The following ADAM22 variants were observed in gnomAD, a reference collection of about 807,000 sequenced individuals.
ADAM22 encodes disintegrin and metalloproteinase domain-containing protein 22.
A neutral mutation model predicts 144.6 loss-of-function variants in ADAM22; 65 were observed. The ratio of observed to expected loss-of-function variants is 0.45; its 90% confidence interval spans 0.37 to 0.55. The LOEUF is 0.55. Ranked by LOEUF, ADAM22 falls within the 20% of genes least tolerant of loss-of-function variation. ADAM22 has a pLI of 0.00. For missense variants in ADAM22, 974 were observed against 1,184.9 expected, an observed-to-expected ratio of 0.82 and a Z score of 2.61; for synonymous variants, 391 against 412.6, an observed-to-expected ratio of 0.95 and a Z score of 0.63.
chr7:87,949,229 T>C (rs1039191781), intron 2 of ADAM22, among the ~76,000 whole-genome samples: 1 of 152,058 alleles, frequency 6.6e-6, no homozygotes, highest in Non-Finnish European at 1.5e-5. Context: ...GAAGTAGCTG[T>C]CCCTCTTGCT....
intron 4 of ADAM22, among the ~76,000 whole-genome samples, chr7:88,107,124 C>T (rs914866675): frequency 9.3e-5 from 14 of 150,884 alleles, no homozygotes; most frequent in South Asian, 4.2e-4. Context: ...TAGTGACTCT[C>T]AAATGATTTA....
At chr7:87,974,913 A>G (rs1052600925) in intron 2 of ADAM22, among the ~76,000 whole-genome samples, 3 of 152,014 alleles carry the variant, frequency 2.0e-5, no homozygotes, top group Non-Finnish European at 4.4e-5. Flanking sequence ...TACTTCCACC[A>G]TCATACCTTC....
intron 5 of ADAM22, among the ~76,000 whole-genome samples, chr7:88,113,675 T>A (rs1042128132): frequency 3.4e-5 from 4 of 117,168 alleles, no homozygotes; most frequent in Admixed American, 1.0e-4. Flanking sequence ...TATATATATA[T>A]AATATATATA....
intron 3 of ADAM22, among the ~76,000 whole-genome samples, chr7:88,042,611 T>A (rs976611651): frequency 6.6e-6 from 1 of 151,978 alleles, no homozygotes; most frequent in African/African-American, 2.4e-5. Flanking sequence ...GCACATTCAG[T>A]CTTCATTTCT....
At chr7:88,187,413 C>A (rs1002248500) in intron 30 of ADAM22, among the ~76,000 whole-genome samples, 2 of 152,160 alleles carry the variant, frequency 1.3e-5, no homozygotes, top group Non-Finnish European at 2.9e-5. Flanking sequence ...AAAATATATT[C>A]TTGACTCACA....
chr7:87,991,844 T>C (rs1290736179), intron 3 of ADAM22, among the ~76,000 whole-genome samples: 1 of 152,240 alleles, frequency 6.6e-6, no homozygotes, highest in Non-Finnish European at 1.5e-5. Context: ...TTTGAGGTGA[T>C]AATCAGAATT....
chr7:88,111,431 A>T (rs1272255314), intron 5 of ADAM22, among the ~76,000 whole-genome samples: 1 of 152,084 alleles, frequency 6.6e-6, no homozygotes, highest in South Asian at 2.1e-4. Flanking sequence ...GGAAAATCAG[A>T]TTCGTATATC....
At chr7:88,142,580 T>A (rs1190169677) in intron 14 of ADAM22, among the ~76,000 whole-genome samples, 1 of 152,170 alleles carries the variant, frequency 6.6e-6, no homozygotes, top group African/African-American at 2.4e-5. Flanking sequence ...GGCTCACACC[T>A]GTAATCCCAG....
Position 88,151,305 on chromosome 7 carries a change from T to C in ADAM22, c.1666T>C (p.Tyr556His), listed in dbSNP as rs750276685. The C allele has an allele frequency of 1.9e-6, 3 of 1,614,132 alleles. No individual in the cohort carries two copies. The South Asian group carries it at 3.3e-5, about 18-fold the overall frequency. ...RCKTRDRQCK[Y>H]IWGQKVTASD... ...CAAAACCAGAGATAGACAATGCAAA[T>C]ACATTTGGGGGCAAAGTAAGTAAAT... is the stretch of plus-strand genomic sequence containing the variant. The change falls in exon 20 of 32, where the codon TAC becomes CAC. Residue 556 changes from tyrosine to histidine, a missense_variant. Tyr to His is a moderately conservative substitution (Grantham distance 83, BLOSUM62 2). Transcript: ENST00000413139.
At chr7:88,172,728 T>C (rs1024822382) in intron 26 of ADAM22, among the ~76,000 whole-genome samples, 19 of 151,880 alleles carry the variant, frequency 1.3e-4, no homozygotes, top group African/African-American at 4.6e-4. Context: ...TTCCCTAGAG[T>C]GACTAACTCA....
chr7:87,985,596 C>G (rs988208274), intron 3 of ADAM22, among the ~76,000 whole-genome samples: 1 of 152,076 alleles, frequency 6.6e-6, no homozygotes, highest in Non-Finnish European at 1.5e-5. Flanking sequence ...TTGTATGTGG[C>G]TTCTTGACAT....
At chr7:88,129,405 AG>A (rs1014322507) in intron 9 of ADAM22, among the ~76,000 whole-genome samples, 21 of 152,010 alleles carry the variant, frequency 1.4e-4, no homozygotes, top group African/African-American at 4.8e-4. Flanking sequence ...TACTTATTTG[AG>A]GAAAAAATGA....
intron 5 of ADAM22, among the ~76,000 whole-genome samples, chr7:88,112,078 A>C (rs1826192833): frequency 6.6e-6 from 1 of 152,200 alleles, no homozygotes; most frequent in South Asian, 2.1e-4. Flanking sequence ...GGATATGGCT[A>C]GTTCTCAGCA....
At chr7:88,021,149 A>G (rs770946798) in intron 3 of ADAM22, among the ~76,000 whole-genome samples, 1 of 152,208 alleles carries the variant, frequency 6.6e-6, no homozygotes, top group Non-Finnish European at 1.5e-5. Context: ...GCTATGAACC[A>G]TAAAGGTCAG....
At chr7:88,104,487 T>C (rs561773758) in intron 4 of ADAM22, among the ~76,000 whole-genome samples, 1 of 151,946 alleles carries the variant, frequency 6.6e-6, no homozygotes, top group Admixed American at 6.6e-5. Context: ...TTGCACCACA[T>C]GTGTATTATT....
chr7:88,193,258 C>T lies in ADAM22; in HGVS notation c.2874+19C>T. The T allele has an allele frequency of 6.2e-7, 1 of 1,611,740 alleles. No homozygotes were observed. Among genetic ancestry groups the T allele is most frequent in the East Asian group, 2.2e-5 (1 of 44,786 alleles). ...TGCCAGGGTATGTGGAAACCTCTTC[C>T]ATGTGCGTACATGCTCAGTCATTAT... is the stretch of plus-strand genomic sequence containing the variant. On this transcript the variant is annotated intron_variant, in intron 31 of 31. Coordinates refer to ENST00000413139, the MANE Select transcript of ADAM22 (RefSeq NM_001324418.2).
At chr7:88,155,037 G>A (rs1386536168) in intron 21 of ADAM22, among the ~76,000 whole-genome samples, 16 of 152,054 alleles carry the variant, frequency 1.1e-4, no homozygotes, top group Admixed American at 1.0e-3. Flanking sequence ...TATTTTATAA[G>A]TTAAGTTAGA....
Position 88,131,449 on chromosome 7 carries a change from G to GT in ADAM22, c.992+15dup, listed in dbSNP as rs759241779. On this transcript the variant is annotated intron_variant, in intron 11 of 31. Coordinates refer to ENST00000413139, the MANE Select transcript of ADAM22 (RefSeq NM_001324418.2). ...TCACCTTTTTTCGTACGTAACTTCT[G>GT]TAATGATGTATTACTTTTTTTGATT... 2.5e-6 allele frequency: 4 copies of GT among 1,611,798 alleles called. No individual in the cohort carries two copies. The African/African-American group carries it at 5.3e-5, about 21-fold the overall frequency.
At chr7:88,011,034 A>G (rs972975139) in intron 3 of ADAM22, among the ~76,000 whole-genome samples, 1 of 152,230 alleles carries the variant, frequency 6.6e-6, no homozygotes, top group African/African-American at 2.4e-5. Flanking sequence ...ACAGTCCTTC[A>G]TTAAAGTGTC....
Sources: allele counts gnomAD v4.1 joint callset (sites outside exome capture counted in the v4.1 genomes callset), GRCh38; gene constraint gnomAD v4.1.1; transcripts MANE v1.5; gene names NCBI Gene and HGNC (gene_info 2026-07-23, HGNC 2026-07-21).